The following CLCN5 variants were observed in gnomAD, a reference collection of about 807,000 sequenced individuals.
CLCN5 encodes H(+)/Cl(-) exchange transporter 5.
Under a neutral mutation model 54.0 loss-of-function variants are expected in CLCN5, and 17 were observed. That is an observed-to-expected ratio of 0.31 (90% CI 0.22 to 0.47). The LOEUF is 0.47. CLCN5 is among the 20% of genes least tolerant of loss of function. The probability of loss-of-function intolerance (pLI) is 1.00; values close to 1 mark genes in which losing one functional copy is unlikely to be tolerated. For synonymous variants in CLCN5, 222 were observed against 233.0 expected, an observed-to-expected ratio of 0.95 and a Z score of 0.43; for missense variants, 448 against 646.7, an observed-to-expected ratio of 0.69 and a Z score of 3.33.
chrX:49,964,074 A>G (rs1557175163), intron 3 of CLCN5, among the ~76,000 whole-genome samples: 1 of 112,278 alleles, frequency 8.9e-6, no homozygotes, highest in African/African-American at 3.2e-5. Flanking sequence ...GAGCACCAAC[A>G]ATGTGCCAGA....
intron 3 of CLCN5, among the ~76,000 whole-genome samples, chrX:49,955,674 A>G (rs1382405862): frequency 9.0e-6 from 1 of 111,368 alleles, no homozygotes; most frequent in African/African-American, 3.3e-5. Context: ...CAACTATTAA[A>G]CTGACTTTCA....
chrX:49,997,331 T>C (rs1557179783), intron 3 of CLCN5, among the ~76,000 whole-genome samples: 1 of 111,037 alleles, frequency 9.0e-6, no homozygotes, highest in Non-Finnish European at 1.9e-5. Context: ...TTTATCTAGC[T>C]CATTCTGCTG....
intron 3 of CLCN5, among the ~76,000 whole-genome samples, chrX:49,926,846 T>C (rs1426804540): frequency 2.7e-5 from 3 of 111,166 alleles, no homozygotes; most frequent in Non-Finnish European, 5.7e-5. Context: ...AGTCAGGAGG[T>C]TTCTGGAATA....
Position 50,095,217 on chromosome X carries a change from T to C in CLCN5, c.*2998T>C, listed in dbSNP as rs1557195400. On this transcript the variant is annotated 3_prime_UTR_variant, in exon 15 of 15. Coordinates refer to ENST00000376091, the MANE Select transcript of CLCN5 (RefSeq NM_001127898.4). ...TCCAGCCATAAAAGGAACGAGAGTC[T>C]ATAGATTTGTAAAAGTAAAACTGCT... 2 of 112,496 alleles carry C rather than the reference T, an allele frequency of 1.8e-5. No individual in the cohort carries two copies. The highest frequency in any genetic ancestry group is 1.9e-5 in the Non-Finnish European group (1 of 53,307). 9.3% of individuals were successfully genotyped at this position (112,496 alleles called of 1,213,427 possible).
At chrX:50,045,338 C>CT (rs782032180) in intron 4 of CLCN5, among the ~76,000 whole-genome samples, 1 of 111,802 alleles carries the variant, frequency 8.9e-6, no homozygotes, top group East Asian at 2.8e-4. Flanking sequence ...ATTGCTTCTG[C>CT]TTATGTGTAG....
At chrX:50,063,426 C>T (rs1932897334) in intron 4 of CLCN5, among the ~76,000 whole-genome samples, 1 of 108,291 alleles carries the variant, frequency 9.2e-6, no homozygotes, top group South Asian at 3.8e-4. Context: ...GGATGCATTC[C>T]TCGACACATA....
At chrX:50,091,861 G>T in intron 14 of CLCN5, among the ~76,000 whole-genome samples, 1 of 112,258 alleles carries the variant, frequency 8.9e-6, no homozygotes. Context: ...CAGTAGATAA[G>T]ATTCAGATAT....
chrX:49,934,826 ATCT>A (rs1285529827), intron 3 of CLCN5, among the ~76,000 whole-genome samples: 5 of 111,761 alleles, frequency 4.5e-5, no homozygotes, highest in African/African-American at 1.6e-4. Context: ...CATCGTTGAC[ATCT>A]TCTGGCCAAA....
chrX:50,033,010 T>G (rs1371300918), intron 3 of CLCN5, among the ~76,000 whole-genome samples: 1 of 111,150 alleles, frequency 9.0e-6, no homozygotes, highest in Non-Finnish European at 1.9e-5. Context: ...TTGTCAGGTT[T>G]GTCAAAGATC....
At chrX:50,001,475 T>A (rs1310136962) in intron 3 of CLCN5, among the ~76,000 whole-genome samples, 1 of 111,067 alleles carries the variant, frequency 9.0e-6, no homozygotes, top group Non-Finnish European at 1.9e-5. Flanking sequence ...CTCTTTTTTT[T>A]AAATGTATAC....
intron 3 of CLCN5, among the ~76,000 whole-genome samples, chrX:49,970,327 A>G (rs1928140201): frequency 9.0e-6 from 1 of 111,382 alleles, no homozygotes; most frequent in African/African-American, 3.3e-5. Context: ...GGTTTTTATT[A>G]TATTTAGAGT....
intron 3 of CLCN5, among the ~76,000 whole-genome samples, chrX:49,930,552 A>C (rs781867824): frequency 9.0e-6 from 1 of 111,509 alleles, no homozygotes; most frequent in Non-Finnish European, 1.9e-5. Flanking sequence ...ATAATGTTAA[A>C]CCCAGGGGTC....
chrX:50,002,967 A>C (rs1929944481), intron 3 of CLCN5, among the ~76,000 whole-genome samples: 2 of 111,871 alleles, frequency 1.8e-5, no homozygotes, highest in South Asian at 7.4e-4. Context: ...TTAGGAATAA[A>C]AATAAAGGAA....
chrX:49,982,291 T>C (rs1928773759), intron 3 of CLCN5, among the ~76,000 whole-genome samples: 1 of 109,573 alleles, frequency 9.1e-6, no homozygotes, highest in Admixed American at 9.8e-5. Context: ...AAAACCAGAC[T>C]GAAGAACTCT....
intron 3 of CLCN5, among the ~76,000 whole-genome samples, chrX:50,006,659 T>C (rs1161968693): frequency 8.9e-6 from 1 of 111,855 alleles, no homozygotes; most frequent in Non-Finnish European, 1.9e-5. Flanking sequence ...TCTCATTTGC[T>C]CCTTCTCTTT....
chrX:50,083,192 CAA>C (rs35408376), intron 9 of CLCN5, among the ~76,000 whole-genome samples: 8 of 71,065 alleles, frequency 1.1e-4, no homozygotes, highest in Admixed American at 1.6e-4. Context: ...TTATGAAAAC[CAA>C]AAAAAAAAAA....
intron 3 of CLCN5, among the ~76,000 whole-genome samples, chrX:49,933,890 G>T (rs906173921): frequency 9.0e-6 from 1 of 111,647 alleles, no homozygotes; most frequent in Non-Finnish European, 1.9e-5. Flanking sequence ...ATAAAATTAG[G>T]TATATTATTA....
At chrX:49,952,888 CTT>C (rs782480208) in intron 3 of CLCN5, among the ~76,000 whole-genome samples, 4 of 100,597 alleles carry the variant, frequency 4.0e-5, no homozygotes. Flanking sequence ...GTGTGTGTAA[CTT>C]TTTTTTTTTT....
chrX:50,014,631 C>A (rs1557183215), intron 3 of CLCN5: 2 of 358,764 alleles, frequency 5.6e-6, no homozygotes, highest in South Asian at 5.1e-5. Flanking sequence ...TATCTGGGTG[C>A]TAGTGCTGGC....
Sources: gnomAD v4.1 joint callset for allele counts (sites outside exome capture counted in the v4.1 genomes callset) on GRCh38, gnomAD v4.1.1 for gene constraint, MANE v1.5 for transcripts, NCBI Gene and HGNC (gene_info 2026-07-23, HGNC 2026-07-21) for gene names.